Variants in RNF180 observed in about 807,000 individuals in gnomAD.
The protein encoded by RNF180 is E3 ubiquitin-protein ligase RNF180.
RNF180 carries 38 observed loss-of-function variants against 59.2 expected under a neutral mutation model. The ratio of observed to expected loss-of-function variants is 0.64; its 90% CI spans 0.50 to 0.84. The LOEUF is 0.84. Among genes scored for constraint, RNF180 ranks in the 40% least tolerant of loss-of-function variants. The pLI, the probability that RNF180 is intolerant of heterozygous loss-of-function variation, is 0.00. For synonymous variants in RNF180, 262 were observed against 240.3 expected (o/e 1.09, Z -0.84); for missense variants, 705 against 700.9 (o/e 1.01, Z -0.07).
chr5:64,372,283 A>G lies in RNF180; in HGVS notation c.*2469A>G, dbSNP rs1178601803. 6.6e-6 allele frequency: 1 copy of G among 151,788 alleles called. No homozygotes were observed. Among genetic ancestry groups the G allele is most frequent in the East Asian group, 1.9e-4 (1 of 5,182 alleles). The allele number at this position is 151,788 out of a possible 1,614,324, so 9.4% of individuals were successfully genotyped here. A position where few individuals can be genotyped will look rare whatever the true frequency, so the allele number is the denominator to read the frequency against. ...CAAATTCACAAACCTAGACCCATTT[A>G]TTTTATACTCAGCAGAAGACAGGGA... On this transcript the variant is annotated 3_prime_UTR_variant, in exon 8 of 8. Coordinates refer to ENST00000389100, the MANE Select transcript of RNF180 (RefSeq NM_001113561.2).
intron 5 of RNF180, among the ~76,000 whole-genome samples, chr5:64,323,917 G>C (rs541142715): frequency 2.0e-5 from 3 of 152,180 alleles, no homozygotes; most frequent in African/African-American, 7.2e-5. Context: ...CATTTATTTT[G>C]CTTAAAGTCA....
intron 5 of RNF180, among the ~76,000 whole-genome samples, chr5:64,222,926 G>A (rs1183120734): frequency 6.6e-6 from 1 of 150,922 alleles, no homozygotes; most frequent in Non-Finnish European, 1.5e-5. Flanking sequence ...ATGTTAACTT[G>A]AGAATGTTTT....
intron 7 of RNF180, among the ~76,000 whole-genome samples, chr5:64,344,287 C>T (rs1363972983): frequency 6.6e-6 from 1 of 151,936 alleles, no homozygotes; most frequent in Non-Finnish European, 1.5e-5. Flanking sequence ...AAGAAAGCAG[C>T]TGTGGCTATG....
intron 7 of RNF180, among the ~76,000 whole-genome samples, chr5:64,337,050 G>C (rs925297122): frequency 6.7e-6 from 1 of 149,470 alleles, no homozygotes; most frequent in African/African-American, 2.5e-5. Flanking sequence ...TTGAGACAAC[G>C]TCTCACTCTG....
At chr5:64,332,005 G>A (rs184483952) in intron 7 of RNF180, among the ~76,000 whole-genome samples, 14 of 152,240 alleles carry the variant, frequency 9.2e-5, no homozygotes, top group African/African-American at 2.2e-4. Flanking sequence ...TCCCTGCCCC[G>A]CCACAGCAGC....
At position 64,213,948 on chromosome 5, in the gene RNF180, C is replaced by T. The variant is rs1580014903; in HGVS notation, c.622C>T (p.Gln208Ter). ...LLSKASEPKY[Q>*]LFVPQLVTGR... Reference sequence around the variant, plus strand: ...GTCCAAAGCATCAGAACCAAAATACCAGCTTTTTGTTCCCCAGCTTGTGAC... The same window carrying T: ...GTCCAAAGCATCAGAACCAAAATACTAGCTTTTTGTTCCCCAGCTTGTGAC... Residue 208 changes from glutamine to a stop codon, truncating the protein, a stop_gained, in exon 4 of 8, where the codon CAG becomes TAG. Coordinates refer to ENST00000389100, the MANE Select transcript of RNF180 (RefSeq NM_001113561.2). LOFTEE classifies it high-confidence loss of function. 2 of 1,614,028 alleles carry T rather than the reference C, an allele frequency of 1.2e-6. No homozygotes were observed. The highest frequency in any genetic ancestry group is 4.5e-5 in the East Asian group (2 of 44,876).
At chr5:64,267,886 T>TGCTGGA (rs1481536932) in intron 5 of RNF180, among the ~76,000 whole-genome samples, 1 of 152,176 alleles carries the variant, frequency 6.6e-6, no homozygotes, top group Non-Finnish European at 1.5e-5. Context: ...GGTGACAGTG[T>TGCTGGA]CACAGGTAGT....
intron 7 of RNF180, among the ~76,000 whole-genome samples, chr5:64,348,251 G>A (rs760031157): frequency 5.3e-5 from 8 of 151,974 alleles, no homozygotes; most frequent in Non-Finnish European, 8.8e-5. Context: ...CACAGGTACT[G>A]TGTGTTCTTT....
At chr5:64,201,050 T>G (rs1486072912) in intron 2 of RNF180, 108 bp downstream of exon 2, 2 of 829,448 alleles carry the variant, frequency 2.4e-6, no homozygotes, top group Non-Finnish European at 3.6e-6. Context: ...ATATTTATAG[T>G]TCTTTGTCAT....
chr5:64,176,454 A>T (rs1266888065), intron 1 of RNF180, among the ~76,000 whole-genome samples: 2 of 151,946 alleles, frequency 1.3e-5, no homozygotes, highest in Non-Finnish European at 2.9e-5. Context: ...TCTCGAAAAA[A>T]TCCCTTTTTG....
intron 5 of RNF180, among the ~76,000 whole-genome samples, chr5:64,265,250 T>C (rs1342788360): frequency 1.3e-5 from 2 of 152,188 alleles, no homozygotes; most frequent in Middle Eastern, 3.2e-3. Flanking sequence ...ATTTATCAAT[T>C]CTAGCTTTTG....
chr5:64,283,828 A>T (rs778988583), intron 5 of RNF180, among the ~76,000 whole-genome samples: 1 of 152,170 alleles, frequency 6.6e-6, no homozygotes, highest in Non-Finnish European at 1.5e-5. Flanking sequence ...CTTTATTAGC[A>T]ATATGAGAAC....
At chr5:64,251,427 G>T (rs1743569854) in intron 5 of RNF180, among the ~76,000 whole-genome samples, 1 of 152,126 alleles carries the variant, frequency 6.6e-6, no homozygotes, top group Admixed American at 6.6e-5. Context: ...TAATTAGTTA[G>T]CTAGTTAATT....
At chr5:64,315,814 C>T (rs948192784) in intron 5 of RNF180, among the ~76,000 whole-genome samples, 1 of 150,964 alleles carries the variant, frequency 6.6e-6, no homozygotes, top group African/African-American at 2.4e-5. Flanking sequence ...TTTATGGGTA[C>T]TTCCCATTTC....
intron 5 of RNF180, among the ~76,000 whole-genome samples, chr5:64,273,345 C>G (rs1409304364): frequency 1.3e-5 from 2 of 151,890 alleles, no homozygotes; most frequent in African/African-American, 4.8e-5. Context: ...ACCAGCAGCC[C>G]TCAGGACTGC....
chr5:64,319,094 G>A (rs1744210146), intron 5 of RNF180, among the ~76,000 whole-genome samples: 1 of 151,704 alleles, frequency 6.6e-6, no homozygotes, highest in Non-Finnish European at 1.5e-5. Flanking sequence ...CTGTGTGTGT[G>A]CATGTGCGTG....
intron 5 of RNF180, among the ~76,000 whole-genome samples, chr5:64,268,272 G>A (rs542126279): frequency 6.6e-6 from 1 of 152,220 alleles, no homozygotes; most frequent in South Asian, 2.1e-4. Context: ...TGAATTTATA[G>A]GCTGAATTAT....
intron 1 of RNF180, among the ~76,000 whole-genome samples, chr5:64,192,793 G>A (rs1751225732): frequency 6.6e-6 from 1 of 151,402 alleles, no homozygotes; most frequent in Admixed American, 6.6e-5. Flanking sequence ...CAGTCTCAAA[G>A]AGATAATTGC....
intron 5 of RNF180, among the ~76,000 whole-genome samples, chr5:64,257,809 C>A (rs532163815): frequency 7.8e-4 from 119 of 152,258 alleles, no homozygotes; most frequent in African/African-American, 2.8e-3. Context: ...TAACACCCCA[C>A]AGTCAACATT....
Sources: allele counts gnomAD v4.1 joint callset (sites outside exome capture counted in the v4.1 genomes callset), GRCh38; gene constraint gnomAD v4.1.1; transcripts MANE v1.5; gene names NCBI Gene and HGNC (gene_info 2026-07-23, HGNC 2026-07-21).